Variants in PRSS55 observed in about 807,000 individuals in gnomAD.
PRSS55 encodes the protein serine protease 55.
Under a neutral mutation model 23.6 loss-of-function variants are expected in PRSS55, and 41 were observed. The ratio of observed to expected loss-of-function variants is 1.74; its 90% CI spans 1.35 to 2.26. The LOEUF is 2.26. PRSS55 is among the 30% of genes most tolerant of loss of function. PRSS55 has a pLI of 0.00. For synonymous variants in PRSS55, 262 were observed against 175.5 expected (o/e 1.49, Z -3.90); for missense variants, 669 against 439.1 (o/e 1.52, Z -4.68).
chr8:10,529,830 A>G, intron 2 of PRSS55, 131 bp downstream of exon 2: 1 of 858,488 alleles, frequency 1.2e-6, no homozygotes, highest in South Asian at 1.6e-5. Flanking sequence ...AATGGCTCCC[A>G]CCCATCCACC....
chr8:10,539,145 A>T (rs1010489200), downstream of PRSS55, among the ~76,000 whole-genome samples: 2 of 151,956 alleles, frequency 1.3e-5, no homozygotes, highest in African/African-American at 4.8e-5. Context: ...GAAGGCAGTG[A>T]CTGTTGTCTG....
At chr8:10,551,036 T>C (rs1812940091) in intron 4 of PRSS55, among the ~76,000 whole-genome samples, 1 of 152,222 alleles carries the variant, frequency 6.6e-6, no homozygotes, top group Admixed American at 6.5e-5. Context: ...CGCCACCTTC[T>C]CTTACTATCT....
Position 10,538,529 on chromosome 8 carries a change from C to T in PRSS55, c.795C>T (p.Tyr265=). Residue 265 remains tyrosine, a synonymous_variant, in exon 5 of 5, where the codon TAC becomes TAT. Transcript: ENST00000328655. Reference sequence around the variant, plus strand: ...CCCCAGAGCCTGGTGAGAAGTGGTACCAGGTGGGCATCATAAGCTGGGGAA... The same window carrying T: ...CCCCAGAGCCTGGTGAGAAGTGGTATCAGGTGGGCATCATAAGCTGGGGAA... The part of the protein sequence containing the change: ...VCTPEPGEKW[Y]QVGIISWGKS... 1.2e-6 allele frequency: 2 copies of T among 1,614,094 alleles called. No homozygotes were observed. Among genetic ancestry groups the T allele is most frequent in the Non-Finnish European group, 1.7e-6 (2 of 1,180,006 alleles).
At chr8:10,544,095 G>T (rs1433260009) in intron 4 of PRSS55, among the ~76,000 whole-genome samples, 1 of 151,964 alleles carries the variant, frequency 6.6e-6, no homozygotes, top group Admixed American at 6.6e-5. Flanking sequence ...CTGTATAGTT[G>T]TTCTATCCAT....
At chr8:10,526,588 T>G (rs1360469380) in intron 1 of PRSS55, among the ~76,000 whole-genome samples, 1 of 152,222 alleles carries the variant, frequency 6.6e-6, no homozygotes, top group Non-Finnish European at 1.5e-5. Context: ...CCGTTTCTGC[T>G]TCCATCACTG....
At chr8:10,531,198 G>T in intron 2 of PRSS55, 97 bp from the exon 3 acceptor site, 1 of 1,464,148 alleles carries the variant, frequency 6.8e-7, no homozygotes, top group Non-Finnish European at 9.4e-7. Context: ...AGGTCCTAGA[G>T]CTACATGGGA....
At chr8:10,541,933 C>G (rs1284900549), downstream of PRSS55, among the ~76,000 whole-genome samples, 1 of 152,044 alleles carries the variant, frequency 6.6e-6, no homozygotes, top group Non-Finnish European at 1.5e-5. Context: ...ATCACCACAC[C>G]TGGCTCATTT....
chr8:10,551,440 G>C (rs774437654), intron 4 of PRSS55, among the ~76,000 whole-genome samples: 1 of 152,196 alleles, frequency 6.6e-6, no homozygotes, highest in Non-Finnish European at 1.5e-5. Context: ...TAGGGAGCTC[G>C]ACCTCTGGTG....
intron 2 of PRSS55, among the ~76,000 whole-genome samples, chr8:10,531,087 G>A (rs1418422018): frequency 6.9e-6 from 1 of 145,040 alleles, no homozygotes; most frequent in Non-Finnish European, 1.5e-5. Context: ...TCTGGCTGTG[G>A]TCTGCACACC....
In PRSS55 at chr8:10,551,152, G is replaced by A. The variant is rs548852629; in HGVS notation, c.742-2791G>A. 2.3e-4 allele frequency among the ~76,000 whole-genome samples: 35 copies of A among 152,272 alleles called. No individual in the cohort carries two copies. In the South Asian group the frequency reaches 7.2e-3, roughly 32 times the overall value. On this transcript the variant is annotated intron_variant, in intron 4 of 4. Transcript: ENST00000522210. ...AGTGGAAGGATATCCTTTAAAAGCT[G>A]TCTGTGCTCAACAAGCAATAAAGGT...
intron 4 of PRSS55, among the ~76,000 whole-genome samples, chr8:10,550,379 G>C (rs568345559): frequency 6.6e-6 from 1 of 152,336 alleles, no homozygotes; most frequent in South Asian, 2.1e-4. Flanking sequence ...TATGGAGTCA[G>C]CAGCCTGGCC....
chr8:10,534,035 G>GC (rs1484614054), intron 4 of PRSS55, among the ~76,000 whole-genome samples: 2 of 152,172 alleles, frequency 1.3e-5, no homozygotes, highest in East Asian at 3.9e-4. Flanking sequence ...AGGTTTAGGA[G>GC]CCCCCCATGT....
chr8:10,550,546 C>T (rs1226007841), intron 4 of PRSS55, among the ~76,000 whole-genome samples: 2 of 152,154 alleles, frequency 1.3e-5, no homozygotes, highest in South Asian at 2.1e-4. Context: ...CAGCTGATGC[C>T]GTTTTGTTGA....
intron 4 of PRSS55, among the ~76,000 whole-genome samples, chr8:10,549,691 C>A (rs1812909650): frequency 6.6e-6 from 1 of 152,208 alleles, no homozygotes; most frequent in African/African-American, 2.4e-5. Flanking sequence ...TTCCAACGCT[C>A]AGTGCCCCTT....
At chr8:10,550,985 A>T (rs1292411850) in intron 4 of PRSS55, among the ~76,000 whole-genome samples, 1 of 152,204 alleles carries the variant, frequency 6.6e-6, no homozygotes, top group Non-Finnish European at 1.5e-5. Flanking sequence ...AACAGCTGAC[A>T]TGGACCCAGG....
chr8:10,525,676 A>G lies in PRSS55; in HGVS notation c.91A>G (p.Ile31Val), dbSNP rs200433233. Residue 31 changes from isoleucine (I) to valine (V), a missense_variant, in exon 1 of 5, where the codon ATC (isoleucine) becomes GTC (valine). Ile to Val is a conservative substitution (Grantham distance 29). Coordinates refer to ENST00000328655, the MANE Select transcript of PRSS55 (RefSeq NM_198464.4). The part of the protein sequence containing the change: ...RTPLPEAGVA[I>V]LGRARGAHRP... ...TCCTCTCCCAGAGGCTGGAGTGGCT[A>G]TCCTAGGCAGGGCTAGGGGAGCCCA... The G allele has an allele frequency of 8.1e-6, 13 of 1,614,014 alleles. No individual in the cohort carries two copies. In the Admixed American group the frequency reaches 8.3e-5, roughly 10 times the overall value.
rs574206262 is a variant in PRSS55, at chr8:10,538,779, G to C, written c.1045G>C (p.Ala349Pro). Residue 349 changes from alanine to proline, a missense_variant, in exon 5 of 5, where the codon GCT (alanine) becomes CCT (proline). By Grantham distance (27) the Ala-to-Pro change is conservative. Transcript: ENST00000328655. The stretch of plus-strand genomic sequence containing the variant: ...TCCCCTGTCCCATGTGTTGTTCAGA[G>C]CTATTTTGTACTGATAATAAAATAG... ...LCPLSHVLFR[A>P]ILY 1.3e-6 allele frequency: 2 copies of C among 1,580,948 alleles called. No homozygotes were observed. The highest frequency in any genetic ancestry group is 1.7e-6 in the Non-Finnish European group (2 of 1,166,846).
chr8:10,530,136 T>C (rs56247749), intron 2 of PRSS55, among the ~76,000 whole-genome samples: 11,817 of 152,328 alleles, frequency 0.078, 507 homozygotes, highest in Non-Finnish European at 0.097. Context: ...TGCCTGGCAT[T>C]ACCAAGGACT....
intron 1 of PRSS55, among the ~76,000 whole-genome samples, chr8:10,526,402 C>G (rs1172584256): frequency 6.6e-6 from 1 of 152,206 alleles, no homozygotes; most frequent in Non-Finnish European, 1.5e-5. Context: ...CAGCGCCAGG[C>G]TGCATGCCCT....
Sources: allele counts gnomAD v4.1 joint callset (sites outside exome capture counted in the v4.1 genomes callset), GRCh38; gene constraint gnomAD v4.1.1; transcripts MANE v1.5; gene names NCBI Gene and HGNC (gene_info 2026-07-23, HGNC 2026-07-21).